Variants in SLC29A1 observed in about 807,000 individuals in gnomAD.
SLC29A1 encodes the protein solute carrier family 29 member 1 (Augustine blood group).
SLC29A1 carries 22 observed loss-of-function variants against 48.3 expected under a neutral mutation model. The ratio of observed to expected loss-of-function variants is 0.46; its 90% CI spans 0.33 to 0.65. The LOEUF is 0.65. Ranked by LOEUF, SLC29A1 falls within the 30% of genes least tolerant of loss-of-function variation. The pLI is 0.03. For missense variants in SLC29A1, 491 were observed against 575.3 expected (o/e 0.85, Z 1.50); for synonymous variants, 228 against 231.0 (o/e 0.99, Z 0.12).
chr6:44,233,464 T>G lies in SLC29A1; in HGVS notation c.1307T>G (p.Phe436Cys), dbSNP rs371621321. 6.8e-6 allele frequency: 11 copies of G among 1,614,036 alleles called. No individual in the cohort carries two copies. Among genetic ancestry groups the G allele is most frequent in the Non-Finnish European group, 9.3e-6 (11 of 1,180,024 alleles). ...EAETAGAIMAFFLCLGLALGA... is the reference protein window; with the variant it reads ...EAETAGAIMACFLCLGLALGA... ...GAGACCGCAGGAGCCATCATGGCCT[T>G]CTTCCTGTGTCTGGGTCTGGCACTG... is the stretch of plus-strand genomic sequence containing the variant. The change falls in exon 13 of 13, where the codon TTC becomes TGC. Residue 436 changes from phenylalanine (F) to cysteine (C), a missense_variant. Physicochemically the swap from Phe to Cys is radical, Grantham distance 205. Coordinates refer to ENST00000371755, the MANE Select transcript of SLC29A1 (RefSeq NM_001372327.1).
rs1779206269 is a variant in SLC29A1, at chr6:44,232,842, G to A, written c.1095G>A (p.Val365=). The change falls in exon 12 of 13, where the codon GTG becomes GTA. Residue 365 remains valine (V), a synonymous_variant. Coordinates refer to ENST00000371755, the MANE Select transcript of SLC29A1 (RefSeq NM_001372327.1). The surrounding 1 kb of genome is among the most constrained non-coding windows in gnomAD (Gnocchi z 4.7). ...ACAGCCGCTGGCTGCCAAGCCTGGT[G>A]CTGGCCCGGCTGGTGTTTGTGCCAC... ...GKDSRWLPSL[V]LARLVFVPLL... 2 of 1,613,296 alleles carry A rather than the reference G, an allele frequency of 1.2e-6. No individual in the cohort carries two copies. Among genetic ancestry groups the A allele is most frequent in the Non-Finnish European group, 1.7e-6 (2 of 1,180,016 alleles).
chr6:44,233,205 G>A (rs1779284533), intron 12 of SLC29A1, among the ~76,000 whole-genome samples, 199 bp downstream of exon 12: 1 of 152,186 alleles, frequency 6.6e-6, no homozygotes, highest in Non-Finnish European at 1.5e-5. Flanking sequence ...TGGAGGTGGA[G>A]ACAGGTTTGC....
At position 44,232,599 on chromosome 6, in the gene SLC29A1, G is replaced by A; in HGVS notation, c.1059+171G>A. Reference sequence around the variant, plus strand: ...TAAGTGTACAACTTAATGAATATATGTATATACACATACCTGCCCAGATCG... The same window carrying A: ...TAAGTGTACAACTTAATGAATATATATATATACACATACCTGCCCAGATCG... On this transcript the variant is annotated intron_variant, in intron 11 of 12. Coordinates refer to ENST00000371755, the MANE Select transcript of SLC29A1 (RefSeq NM_001372327.1). The surrounding 1 kb of genome is among the most constrained non-coding windows in gnomAD (Gnocchi z 4.7). The A allele has an allele frequency of 3.1e-6, 2 of 640,318 alleles. No individual in the cohort carries two copies. 39.7% of individuals were successfully genotyped at this position (640,318 alleles called of 1,614,324 possible).
At chr6:44,219,723 G>A (rs1322361424), upstream of SLC29A1, 3 of 1,288,918 alleles carry the variant, frequency 2.3e-6, no homozygotes, top group Admixed American at 2.3e-5. Context: ...CTAGGGGCCC[G>A]CAGGCCTGGG....
rs1289314988 is a variant in SLC29A1, at chr6:44,232,338, T to C, written c.974-5T>C. The C allele has an allele frequency of 5.6e-6, 9 of 1,608,870 alleles. No homozygotes were observed. The highest frequency in any genetic ancestry group is 4.5e-5 in the East Asian group (2 of 44,866). ...TGATAACCACCCGTTCATCTCCTCT[T>C]CCAGAACGTTACTTCATTCCTGTGT... is the stretch of plus-strand genomic sequence containing the variant. On this transcript the variant is annotated splice_region_variant and splice_polypyrimidine_tract_variant and intron_variant, in intron 10 of 12. Coordinates refer to ENST00000371755, the MANE Select transcript of SLC29A1 (RefSeq NM_001372327.1). The surrounding 1 kb of genome is among the most constrained non-coding windows in gnomAD (Gnocchi z 4.7).
chr6:44,222,783 T>G (rs911383695), upstream of SLC29A1, among the ~76,000 whole-genome samples: 1 of 152,178 alleles, frequency 6.6e-6, no homozygotes, highest in Non-Finnish European at 1.5e-5. Flanking sequence ...GCTGGGACAA[T>G]AGGATTCACT....
In SLC29A1 at chr6:44,230,481, A is replaced by C; in HGVS notation, c.589A>C (p.Ser197Arg). 1 of 1,613,824 alleles carries C rather than the reference A, an allele frequency of 6.2e-7. No individual in the cohort carries two copies. The highest frequency in any genetic ancestry group is 8.5e-7 in the Non-Finnish European group (1 of 1,179,878). The change falls in exon 6 of 13, where the codon AGT becomes CGT. Residue 197 changes from serine (S) to arginine (R), a missense_variant and splice_region_variant. Coordinates refer to ENST00000371755, the MANE Select transcript of SLC29A1 (RefSeq NM_001372327.1). Reference protein sequence around the residue: ...ASVAMICAIASGSELSESAFG... With the variant: ...ASVAMICAIARGSELSESAFG... ...CGTGGCCATGATCTGCGCTATTGCC[A>C]GTAAGTCCGGCTATCTACCTGCCCA...
chr6:44,228,300 G>A (rs1206627580), intron 2 of SLC29A1, among the ~76,000 whole-genome samples: 2 of 152,154 alleles, frequency 1.3e-5, no homozygotes, highest in East Asian at 1.9e-4. Context: ...ATTTCCCAGC[G>A]TACTCCCCCC....
At position 44,232,324 on chromosome 6, in the gene SLC29A1, C is replaced by G; in HGVS notation, c.974-19C>G. The G allele has an allele frequency of 6.4e-7, 1 of 1,570,960 alleles. No homozygotes were observed. Among genetic ancestry groups the G allele is most frequent in the South Asian group, 1.1e-5 (1 of 90,188 alleles). Reference sequence around the variant, plus strand: ...TGCCTCTGTGAGCCTGATAACCACCCGTTCATCTCCTCTTCCAGAACGTTA... The same window carrying G: ...TGCCTCTGTGAGCCTGATAACCACCGGTTCATCTCCTCTTCCAGAACGTTA... On this transcript the variant is annotated intron_variant, in intron 10 of 12. Coordinates refer to ENST00000371755, the MANE Select transcript of SLC29A1 (RefSeq NM_001372327.1). This position sits in a 1 kb window ranked among gnomAD's most constrained non-coding sequence, Gnocchi z 4.7.
rs574055442 is a variant in SLC29A1, at chr6:44,223,762, C to G, written c.-52+121C>G. 32 of 1,033,350 alleles carry G rather than the reference C, an allele frequency of 3.1e-5. No individual in the cohort carries two copies. In the African/African-American group the frequency reaches 4.2e-4, roughly 13 times the overall value. 64.0% of individuals were successfully genotyped at this position (1,033,350 alleles called of 1,614,324 possible). ...GGCTCCGCAGCCCGGAGAAGGGACG[C>G]CGGGTGGGGCCCCAGTGCGGAGCGT... On this transcript the variant is annotated intron_variant, in intron 1 of 12. Coordinates refer to ENST00000371755, the MANE Select transcript of SLC29A1 (RefSeq NM_001372327.1). This position sits in a 1 kb window ranked among gnomAD's most constrained non-coding sequence, Gnocchi z 5.0.
rs746487700 is a variant in SLC29A1, at chr6:44,232,900, T to C, written c.1153T>C (p.Tyr385His). The C allele has an allele frequency of 2.5e-6, 4 of 1,614,086 alleles. No homozygotes were observed. The highest frequency in any genetic ancestry group is 1.3e-5 in the African/African-American group (1 of 74,954). Residue 385 changes from tyrosine to histidine, a missense_variant, in exon 12 of 13, where the codon TAC (tyrosine) becomes CAC (histidine). Tyr to His is a moderately conservative substitution (Grantham distance 83). Transcript: ENST00000371755. The surrounding 1 kb of genome is among the most constrained non-coding windows in gnomAD (Gnocchi z 4.7). The part of the protein sequence containing the change: ...LLLCNIKPRR[Y>H]LTVVFEHDAW... ...GCTGTGCAACATTAAGCCCCGCCGC[T>C]ACCTGACTGTGGTCTTCGAGCACGA...
chr6:44,230,558 A>T lies in SLC29A1; in HGVS notation c.590-10A>T, dbSNP rs751866644. 37 of 1,613,758 alleles carry T rather than the reference A, an allele frequency of 2.3e-5. No individual in the cohort carries two copies. Among genetic ancestry groups the T allele is most frequent in the Admixed American group, 8.3e-5 (5 of 59,998 alleles). ...ATGGGGCCTGTCTCTGATCACTGAC[A>T]CCACCCCAGGTGGCTCGGAGCTATC... On this transcript the variant is annotated splice_polypyrimidine_tract_variant and intron_variant, in intron 6 of 12. Coordinates refer to ENST00000371755, the MANE Select transcript of SLC29A1 (RefSeq NM_001372327.1).
chr6:44,231,299 A>C, intron 8 of SLC29A1, 65 bp from the exon 9 acceptor site: 1 of 1,059,530 alleles, frequency 9.4e-7, no homozygotes, highest in Non-Finnish European at 1.4e-6. Context: ...CGTTTTGGGG[A>C]ATGTTTATGT....
chr6:44,223,977 T>G lies in SLC29A1; in HGVS notation c.-52+336T>G. The stretch of plus-strand genomic sequence containing the variant: ...TCTGGTCGGTATCAGGGAGGGGCCG[T>G]GCCGCTGACTGCGCTGGCGGAGGGG... On this transcript the variant is annotated intron_variant, in intron 1 of 12. Coordinates refer to ENST00000371755, the MANE Select transcript of SLC29A1 (RefSeq NM_001372327.1). The surrounding 1 kb of genome is among the most constrained non-coding windows in gnomAD (Gnocchi z 5.0). 1.0e-6 allele frequency: 1 copy of G among 980,486 alleles called. No individual in the cohort carries two copies. Among genetic ancestry groups the G allele is most frequent in the Non-Finnish European group, 1.2e-6 (1 of 825,754 alleles). 60.7% of individuals were successfully genotyped at this position (980,486 alleles called of 1,614,324 possible).
chr6:44,232,209 G>A lies in SLC29A1; in HGVS notation c.973+103G>A, dbSNP rs8187632. 3,714 of 1,153,410 alleles carry A rather than the reference G, an allele frequency of 3.2e-3. 90 individuals carry two copies. The African/African-American group carries it at 0.05, about 15-fold the overall frequency. The allele number at this position is 1,153,410 out of a possible 1,614,324, so 71.4% of individuals were successfully genotyped here. On this transcript the variant is annotated intron_variant, in intron 10 of 12. Coordinates refer to ENST00000371755, the MANE Select transcript of SLC29A1 (RefSeq NM_001372327.1). The surrounding 1 kb of genome is among the most constrained non-coding windows in gnomAD (Gnocchi z 4.7). ...TGGGTCACCTTCTCCCCGTTTCCTG[G>A]GTCCATTTGCCCTTCCCTGGGCTGG...
chr6:44,230,706 C>T (rs564446324), intron 7 of SLC29A1, 41 bp downstream of exon 7: 27 of 446,990 alleles, frequency 6.0e-5, no homozygotes, highest in African/African-American at 2.6e-4. Flanking sequence ...GTATAGGGGT[C>T]TGGGGTTCCA....
At chr6:44,228,661 C>T (rs1056681231) in intron 2 of SLC29A1, among the ~76,000 whole-genome samples, 8 of 152,254 alleles carry the variant, frequency 5.3e-5, no homozygotes, top group Non-Finnish European at 1.2e-4. Flanking sequence ...CAAGGCCTAT[C>T]TGGGAGAAGC....
At chr6:44,230,118 C>T (rs748396905) in intron 5 of SLC29A1, 72 bp downstream of exon 5, 17 of 1,579,704 alleles carry the variant, frequency 1.1e-5, no homozygotes, top group East Asian at 2.2e-5. Context: ...TCAGACCCAG[C>T]GTTAGCCAGA....
chr6:44,225,784 A>C (rs982051452), intron 1 of SLC29A1: 1 of 152,160 alleles, frequency 6.6e-6, no homozygotes, highest in Non-Finnish European at 1.5e-5. Context: ...GTTGAGAGGA[A>C]CTACAGGGAG....
Sources: gnomAD v4.1 joint callset for allele counts (sites outside exome capture counted in the v4.1 genomes callset) on GRCh38, gnomAD v4.1.1 for gene constraint, Gnocchi (gnomAD v3.1) non-coding constraint, MANE v1.5 for transcripts, NCBI Gene and HGNC (gene_info 2026-07-23, HGNC 2026-07-21) for gene names.